LILRA2: variants seen among roughly 807,000 people sequenced by gnomAD.
LILRA2 encodes leukocyte immunoglobulin like receptor A2, also known as leukocyte immunoglobulin-like receptor subfamily A member 2.
LILRA2 carries 45 observed loss-of-function variants against 47.9 expected under a neutral mutation model. The observed-to-expected ratio is 0.94, with a 90% CI of 0.74 to 1.20. The LOEUF (loss-of-function observed/expected upper bound fraction) is 1.20, where lower values mean the gene tolerates loss of function less well. Among genes scored for constraint, LILRA2 ranks in the 50% most tolerant of loss-of-function variants. LILRA2 has a pLI of 0.00. For missense variants in LILRA2, 651 were observed against 598.2 expected (o/e 1.09, Z -0.92); for synonymous variants, 279 against 249.2 (o/e 1.12, Z -1.13).
rs1206460927 is a variant in LILRA2, at chr19:54,587,631, C to T, written c.*285C>T. 9.6e-6 allele frequency: 5 copies of T among 520,052 alleles called. No individual in the cohort carries two copies. In the East Asian group the frequency reaches 1.0e-4, roughly 11 times the overall value. The allele number at this position is 520,052 out of a possible 1,614,324, so 32.2% of individuals were successfully genotyped here. ...CATGAGGCTCCATCCCACATGGCAC[C>T]GTTGGGTCCACACCTCCACACACCT... On this transcript the variant is annotated 3_prime_UTR_variant, in exon 8 of 8. Transcript: ENST00000391738.
intron 6 of LILRA2, among the ~76,000 whole-genome samples, chr19:54,584,543 C>G (rs956865673): frequency 6.6e-6 from 1 of 152,110 alleles, no homozygotes; most frequent in Non-Finnish European, 1.5e-5. Context: ...CACTGATATC[C>G]TTTCTTCCAC....
chr19:54,583,860 A>G (rs1004400519), intron 6 of LILRA2, among the ~76,000 whole-genome samples: 1 of 152,110 alleles, frequency 6.6e-6, no homozygotes, highest in African/African-American at 2.4e-5. Flanking sequence ...CAGTTTCTTC[A>G]TAGTGTCAGT....
Position 54,587,435 on chromosome 19 carries a change from A to T in LILRA2, c.*89A>T. On this transcript the variant is annotated 3_prime_UTR_variant, in exon 8 of 8. Transcript: ENST00000391738. The stretch of plus-strand genomic sequence containing the variant: ...AGGAGGCTCTGGAGGACAATCTAGG[A>T]CCTACATTATCTGGACTGTATGCTG... 1.3e-6 allele frequency: 2 copies of T among 1,575,502 alleles called. No homozygotes were observed. The highest frequency in any genetic ancestry group is 1.7e-6 in the Non-Finnish European group (2 of 1,158,652).
rs1219471264 is a variant in LILRA2 at position 54,590,139 on chromosome 19, T to C, written c.*2793T>C. The C allele has an allele frequency of 6.6e-6, 1 of 152,226 alleles. No homozygotes were observed. Among genetic ancestry groups the C allele is most frequent in the Non-Finnish European group, 1.5e-5 (1 of 68,038 alleles). The allele number at this position is 152,226 out of a possible 1,614,324, so 9.4% of individuals were successfully genotyped here. Reference sequence around the variant, plus strand: ...TTTATTGACTAACATACTCCTTATTTCCTTCATTCTGAAAGTGTGACACAT... The same window carrying C: ...TTTATTGACTAACATACTCCTTATTCCCTTCATTCTGAAAGTGTGACACAT... On this transcript the variant is annotated 3_prime_UTR_variant, in exon 8 of 8. Transcript: ENST00000391738.
In LILRA2 at chr19:54,574,804, G is replaced by T. The variant is rs774566970; in HGVS notation, c.426G>T (p.Gln142His). 2.7e-5 allele frequency: 44 copies of T among 1,613,642 alleles called. No homozygotes were observed. Among genetic ancestry groups the T allele is most frequent in the Non-Finnish European group, 3.5e-5 (41 of 1,179,932 alleles). The change falls in exon 4 of 8, where the codon CAG becomes CAT. Residue 142 changes from glutamine (Q) to histidine (H), a missense_variant. Physicochemically the swap from Gln to His is conservative, Grantham distance 24. Coordinates refer to ENST00000391738, the MANE Select transcript of LILRA2 (RefSeq NM_001130917.3). ...VVTSGGNVTL[Q>H]CVSQVAFDGF... Reference sequence around the variant, plus strand: ...CCTCAGGAGGGAACGTGACCCTCCAGTGTGTCTCACAGGTGGCATTTGACG... The same window carrying T: ...CCTCAGGAGGGAACGTGACCCTCCATTGTGTCTCACAGGTGGCATTTGACG...
At chr19:54,586,170 C>T (rs1248247268) in intron 6 of LILRA2, among the ~76,000 whole-genome samples, 1 of 151,600 alleles carries the variant, frequency 6.6e-6, no homozygotes, top group Non-Finnish European at 1.5e-5. Flanking sequence ...TACATATATA[C>T]ACAGGTTCTA....
intron 6 of LILRA2, chr19:54,577,575 G>A (rs2145983779): frequency 7.8e-7 from 1 of 1,289,720 alleles, no homozygotes; most frequent in South Asian, 1.2e-5. Flanking sequence ...TGAGGCTGGA[G>A]TCCACCCCAG....
chr19:54,574,951 G>T lies in LILRA2; in HGVS notation c.573G>T (p.Trp191Cys), dbSNP rs1309804667. 1.2e-6 allele frequency: 2 copies of T among 1,614,264 alleles called. No homozygotes were observed. The highest frequency in any genetic ancestry group is 1.7e-6 in the Non-Finnish European group (2 of 1,180,034). Residue 191 changes from tryptophan to cysteine, a missense_variant, in exon 4 of 8, where the codon TGG becomes TGT. Trp to Cys is a radical substitution (Grantham distance 215, BLOSUM62 -2). Transcript: ENST00000391738. The part of the protein sequence containing the change: ...SVGPVSPSRR[W>C]SYRCYAYDSN... ...GCCCCGTGAGCCCGAGTCGCAGGTGGTCGTACAGGTGCTATGCTTATGACT... is the reference window on the plus strand; with the variant it reads ...GCCCCGTGAGCCCGAGTCGCAGGTGTTCGTACAGGTGCTATGCTTATGACT...
In LILRA2 at chr19:54,574,905, C is replaced by G. The variant is rs779017823; in HGVS notation, c.527C>G (p.Ser176Cys). 1.2e-6 allele frequency: 2 copies of G among 1,614,274 alleles called. No homozygotes were observed. Among genetic ancestry groups the G allele is most frequent in the Non-Finnish European group, 1.7e-6 (2 of 1,180,046 alleles). Residue 176 changes from serine (S) to cysteine (C), a missense_variant, in exon 4 of 8, where the codon TCC (serine) becomes TGC (cysteine). Physicochemically the swap from Ser to Cys is moderately radical, Grantham distance 112 (BLOSUM62 -1). Transcript: ENST00000391738. ...LNSHSHARGW[S>C]WAIFSVGPVS... Reference sequence around the variant, plus strand: ...TCCCATTCCCATGCCCGTGGGTGGTCCTGGGCCATCTTCTCCGTGGGCCCC... The same window carrying G: ...TCCCATTCCCATGCCCGTGGGTGGTGCTGGGCCATCTTCTCCGTGGGCCCC...
chr19:54,585,937 C>T (rs1308421611), intron 6 of LILRA2, among the ~76,000 whole-genome samples: 3 of 152,168 alleles, frequency 2.0e-5, no homozygotes, highest in Admixed American at 6.5e-5. Flanking sequence ...GGATAGGTAT[C>T]CATGAGAAAG....
Position 54,587,269 on chromosome 19 carries a change from G to A in LILRA2, c.1375G>A (p.Val459Ile). Residue 459 changes from valine to isoleucine, a missense_variant, in exon 8 of 8, where the codon GTC becomes ATC. Transcript: ENST00000391738. ...CATCCGCATGGGTGTGGCTGGCTTG[G>A]TCCTGGTGGTCCTCGGGATTCTGCT... is the stretch of plus-strand genomic sequence containing the variant. ...NLIRMGVAGL[V>I]LVVLGILLFE... 2 of 1,614,112 alleles carry A rather than the reference G, an allele frequency of 1.2e-6. No individual in the cohort carries two copies. Among genetic ancestry groups the A allele is most frequent in the Non-Finnish European group, 1.7e-6 (2 of 1,180,028 alleles).
chr19:54,575,489 A>G lies in LILRA2; in HGVS notation c.889A>G (p.Ser297Gly), dbSNP rs147792378. The G allele has an allele frequency of 2.3e-3, 3,717 of 1,610,756 alleles. 60 individuals are homozygous for G. The African/African-American group carries it at 0.029, about 13-fold the overall frequency. Residue 297 changes from serine (S) to glycine (G), a missense_variant, in exon 5 of 8, where the codon AGT becomes GGT. Coordinates refer to ENST00000391738, the MANE Select transcript of LILRA2 (RefSeq NM_001130917.3). ...CCACGGGGGCCAGTACAGATGCTAC[A>G]GTGCACACAACCTCTCCTCCGAGTG... is the stretch of plus-strand genomic sequence containing the variant. The part of the protein sequence containing the change: ...PSHGGQYRCY[S>G]AHNLSSEWSA...
At position 54,587,197 on chromosome 19, in the gene LILRA2, C is replaced by G. The variant is rs1261883473; in HGVS notation, c.1307-4C>G. The G allele has an allele frequency of 6.2e-7, 1 of 1,613,894 alleles. No individual in the cohort carries two copies. The highest frequency in any genetic ancestry group is 1.7e-5 in the Admixed American group (1 of 59,988). On this transcript the variant is annotated splice_polypyrimidine_tract_variant and splice_region_variant and intron_variant, in intron 7 of 7. Coordinates refer to ENST00000391738, the MANE Select transcript of LILRA2 (RefSeq NM_001130917.3). ...GCCCTGACCTCTGTGACCTCTTTGT[C>G]CAGCATCCCTAGGCCAACACCCCCA...
In LILRA2 at chr19:54,574,913, A is replaced by G. The variant is rs2145962893; in HGVS notation, c.535A>G (p.Ile179Val). ...HSHARGWSWA[I>V]FSVGPVSPSR... ...CCATGCCCGTGGGTGGTCCTGGGCC[A>G]TCTTCTCCGTGGGCCCCGTGAGCCC... is the stretch of plus-strand genomic sequence containing the variant. The change falls in exon 4 of 8, where the codon ATC (isoleucine) becomes GTC (valine). Residue 179 changes from isoleucine (I) to valine (V), a missense_variant. By Grantham distance (29) the Ile-to-Val change is conservative (BLOSUM62 3). Transcript: ENST00000391738. The G allele has an allele frequency of 6.2e-7, 1 of 1,614,252 alleles. No individual in the cohort carries two copies. The highest frequency in any genetic ancestry group is 1.1e-5 in the South Asian group (1 of 91,082).
chr19:54,578,265 C>T (rs946763782), intron 6 of LILRA2, among the ~76,000 whole-genome samples: 1 of 152,138 alleles, frequency 6.6e-6, no homozygotes, highest in African/African-American at 2.4e-5. Flanking sequence ...TCTCCTAATG[C>T]TATCCTTCTC....
At chr19:54,574,608 C>A (rs771729117) in intron 3 of LILRA2, 26 bp downstream of exon 3, 2 of 1,611,510 alleles carry the variant, frequency 1.2e-6, no homozygotes, top group East Asian at 2.2e-5. Flanking sequence ...GGAGTCCCAG[C>A]CCCAGGCTCT....
upstream of LILRA2, chr19:54,573,548 A>C: frequency 1.3e-6 from 1 of 790,688 alleles, no homozygotes; most frequent in South Asian, 1.5e-5. Flanking sequence ...CTGGAAGGGC[A>C]GACGCAGGAG....
chr19:54,574,795 G>T lies in LILRA2; in HGVS notation c.417G>T (p.Val139=), dbSNP rs769436152. The part of the protein sequence containing the change: ...PSPVVTSGGN[V]TLQCVSQVAF... ...CTGTGGTGACCTCAGGAGGGAACGT[G>T]ACCCTCCAGTGTGTCTCACAGGTGG... The change falls in exon 4 of 8, where the codon GTG becomes GTT. Residue 139 remains valine (V), a synonymous_variant. Transcript: ENST00000391738. 1 of 1,614,286 alleles carries T rather than the reference G, an allele frequency of 6.2e-7. No individual in the cohort carries two copies. Among genetic ancestry groups the T allele is most frequent in the Non-Finnish European group, 8.5e-7 (1 of 1,180,048 alleles).
intron 3 of LILRA2, 60 bp from the exon 4 acceptor site, chr19:54,574,671 C>T (rs1332781946): frequency 5.2e-5 from 84 of 1,601,494 alleles, no homozygotes; most frequent in Non-Finnish European, 6.5e-5. Flanking sequence ...CACAGCTCAA[C>T]CCTGGGGATG....
Sources: allele counts gnomAD v4.1 joint callset (sites outside exome capture counted in the v4.1 genomes callset), GRCh38; gene constraint gnomAD v4.1.1; transcripts MANE v1.5; gene names NCBI Gene and HGNC (gene_info 2026-07-23, HGNC 2026-07-21).